The following MIPOL1 variants were observed in gnomAD, a reference collection of about 807,000 sequenced individuals.
The protein encoded by MIPOL1 is mirror-image polydactyly gene 1 protein.
Under a neutral mutation model 60.9 loss-of-function variants are expected in MIPOL1, and 57 were observed. The observed-to-expected ratio is 0.94, with a 90% CI of 0.76 to 1.17. MIPOL1 has a LOEUF of 1.17. MIPOL1 is among the 50% of genes most tolerant of loss of function. The pLI, the probability that MIPOL1 is intolerant of heterozygous loss-of-function variation, is 0.00. For missense variants in MIPOL1, 551 were observed against 511.6 expected (o/e 1.08, Z -0.74); for synonymous variants, 179 against 168.8 (o/e 1.06, Z -0.47).
At chr14:37,225,848 A>T (rs1375693456) in intron 1 of MIPOL1, among the ~76,000 whole-genome samples, 1 of 152,032 alleles carries the variant, frequency 6.6e-6, no homozygotes, top group African/African-American at 2.4e-5. Flanking sequence ...CCCTTATAAA[A>T]CTGAATGCCT....
At chr14:37,528,399 T>C (rs1229329695) in intron 12 of MIPOL1, among the ~76,000 whole-genome samples, 2 of 152,054 alleles carry the variant, frequency 1.3e-5, no homozygotes, top group African/African-American at 4.8e-5. Context: ...GCTAGATATT[T>C]GCACATATCT....
chr14:37,453,652 G>T (rs2094446811), intron 11 of MIPOL1, among the ~76,000 whole-genome samples: 1 of 151,926 alleles, frequency 6.6e-6, no homozygotes, highest in Non-Finnish European at 1.5e-5. Flanking sequence ...CCCAAAAAAG[G>T]TACTCACTAA....
intron 3 of MIPOL1, among the ~76,000 whole-genome samples, chr14:37,252,159 G>T (rs1974216361): frequency 6.6e-6 from 1 of 151,054 alleles, no homozygotes; most frequent in African/African-American, 2.4e-5. Flanking sequence ...ATTATTTGGG[G>T]GGATCATCAT....
chr14:37,513,503 T>A (rs1359569872), intron 12 of MIPOL1, among the ~76,000 whole-genome samples: 1 of 152,150 alleles, frequency 6.6e-6, no homozygotes, highest in African/African-American at 2.4e-5. Context: ...TAGTTTTAAT[T>A]ATCTGGCTAA....
At chr14:37,497,972 A>C (rs2095158061) in intron 11 of MIPOL1, among the ~76,000 whole-genome samples, 1 of 152,222 alleles carries the variant, frequency 6.6e-6, no homozygotes, top group East Asian at 1.9e-4. Flanking sequence ...CCATCAAAAG[A>C]CATGTACAGG....
At chr14:37,398,752 G>A (rs1289702107) in intron 10 of MIPOL1, among the ~76,000 whole-genome samples, 5 of 152,272 alleles carry the variant, frequency 3.3e-5, no homozygotes, top group Middle Eastern at 6.8e-3. Context: ...GACATTGAAC[G>A]AGTAAGATCT....
At chr14:37,431,029 T>C (rs2094054804) in intron 11 of MIPOL1, among the ~76,000 whole-genome samples, 2 of 152,344 alleles carry the variant, frequency 1.3e-5, no homozygotes, top group South Asian at 4.1e-4. Context: ...AACAAAATAT[T>C]TTGTCACTTA....
At chr14:37,340,190 T>C (rs1421656978) in intron 9 of MIPOL1, among the ~76,000 whole-genome samples, 1 of 152,280 alleles carries the variant, frequency 6.6e-6, no homozygotes, top group East Asian at 1.9e-4. Context: ...ACTGTATTGC[T>C]GCTGTGATGT....
intron 11 of MIPOL1, among the ~76,000 whole-genome samples, chr14:37,462,298 G>C (rs1298078837): frequency 6.6e-6 from 1 of 152,174 alleles, no homozygotes; most frequent in African/African-American, 2.4e-5. Context: ...GGAGTGGCTG[G>C]GATGCAGGGC....
At chr14:37,279,418 A>G (rs755174410) in intron 6 of MIPOL1, among the ~76,000 whole-genome samples, 2 of 151,818 alleles carry the variant, frequency 1.3e-5, no homozygotes, top group Non-Finnish European at 2.9e-5. Context: ...ACTTTGTTAT[A>G]GTCATCTACC....
chr14:37,545,095 A>G (rs1453334567), intron 12 of MIPOL1, among the ~76,000 whole-genome samples: 2 of 152,214 alleles, frequency 1.3e-5, no homozygotes, highest in East Asian at 3.8e-4. Context: ...AGTATAAATT[A>G]TATTATGGAG....
At chr14:37,315,985 G>A (rs1042997305) in intron 9 of MIPOL1, among the ~76,000 whole-genome samples, 1 of 151,598 alleles carries the variant, frequency 6.6e-6, no homozygotes, top group Non-Finnish European at 1.5e-5. Flanking sequence ...TGTGGTGTCA[G>A]GGAAGGCAAG....
rs1460518873 is a variant in MIPOL1, at chr14:37,222,223, T to C, written c.-199+24119T>C. ...CAAAACCTAACAGCGAAAACATTGC[T>C]TTTTTTTTTTTTTTGAGATTGGGTC... On this transcript the variant is annotated intron_variant, in intron 1 of 12. Transcript: ENST00000684589. Among the ~76,000 whole-genome samples the C allele has an allele frequency of 2.2e-5, 3 of 138,162 alleles. No individual in the cohort carries two copies. The Admixed American group carries it at 2.2e-4, about 10-fold the overall frequency. The allele number at this position is 138,162 out of a possible 152,430, so 90.6% of individuals were successfully genotyped here.
chr14:37,376,016 A>AT (rs1425029719), intron 10 of MIPOL1, among the ~76,000 whole-genome samples: 1 of 151,932 alleles, frequency 6.6e-6, no homozygotes, highest in East Asian at 1.9e-4. Context: ...CCTTATTCTT[A>AT]TTTTTTAAAA....
chr14:37,206,878 T>A (rs569875540), intron 1 of MIPOL1, among the ~76,000 whole-genome samples: 2 of 152,370 alleles, frequency 1.3e-5, no homozygotes, highest in Non-Finnish European at 2.9e-5. Flanking sequence ...ATGGCTGTAT[T>A]TACCCAATGC....
chr14:37,217,617 A>G (rs970721333), intron 1 of MIPOL1, among the ~76,000 whole-genome samples: 2 of 152,244 alleles, frequency 1.3e-5, no homozygotes, highest in African/African-American at 4.8e-5. Context: ...TGTACATCAT[A>G]TGAGCAGAAC....
chr14:37,270,975 T>C (rs2083263441), intron 6 of MIPOL1, among the ~76,000 whole-genome samples: 1 of 152,030 alleles, frequency 6.6e-6, no homozygotes, highest in South Asian at 2.1e-4. Flanking sequence ...AAAATCTGTT[T>C]TGTGCAATTA....
At position 37,495,264 on chromosome 14, in the gene MIPOL1, A is replaced by G. The variant is rs867234775; in HGVS notation, c.1032-4644A>G. Among the ~76,000 whole-genome samples, 85 of 134,738 alleles carry G rather than the reference A, an allele frequency of 6.3e-4. No homozygotes were observed. In the Middle Eastern group the frequency reaches 0.025, roughly 39 times the overall value. The allele number at this position is 134,738 out of a possible 152,430, so 88.4% of individuals were successfully genotyped here. A position where few individuals can be genotyped will look rare whatever the true frequency, so the allele number is the denominator to read the frequency against. ...CATCTAGCATTAGGTATATCTCCCAATGCTATCCCTCCCCCCTCCCCCCAC... is the reference window on the plus strand; with the variant it reads ...CATCTAGCATTAGGTATATCTCCCAGTGCTATCCCTCCCCCCTCCCCCCAC... On this transcript the variant is annotated intron_variant, in intron 11 of 12. Transcript: ENST00000684589.
chr14:37,462,859 C>T (rs1352245051), intron 11 of MIPOL1, among the ~76,000 whole-genome samples: 2 of 152,150 alleles, frequency 1.3e-5, no homozygotes, highest in Non-Finnish European at 2.9e-5. Context: ...TGTCCAAGCC[C>T]TTTAACAAGT....
Sources: allele counts gnomAD v4.1 joint callset (sites outside exome capture counted in the v4.1 genomes callset), GRCh38; gene constraint gnomAD v4.1.1; transcripts MANE v1.5; gene names NCBI Gene and HGNC (gene_info 2026-07-23, HGNC 2026-07-21).